Variants in NALF1 observed in about 807,000 individuals in gnomAD.
The protein encoded by NALF1 is NALCN channel auxiliary factor 1.
In NALF1, 3 loss-of-function variants were observed where a neutral mutation model predicts 48.4. The ratio of observed to expected loss-of-function variants is 0.06; its 90% CI spans 0.03 to 0.16. NALF1 has a LOEUF of 0.16. Ranked by LOEUF, NALF1 falls within the 10% of genes least tolerant of loss-of-function variation. The probability of loss-of-function intolerance (pLI) is 1.00; values close to 1 mark genes in which losing one functional copy is unlikely to be tolerated. For synonymous variants in NALF1, 262 were observed against 245.7 expected (o/e 1.07, Z -0.62); for missense variants, 526 against 571.5 (o/e 0.92, Z 0.81).
At chr13:107,833,877 G>GT (rs61540815) in intron 1 of NALF1, among the ~76,000 whole-genome samples, 10,734 of 151,692 alleles carry the variant, frequency 0.071, 439 homozygotes, top group East Asian at 0.15. Context: ...CCTTAAAGCT[G>GT]TTTTTTTAAT....
intron 1 of NALF1, among the ~76,000 whole-genome samples, chr13:107,778,955 T>C: frequency 6.6e-6 from 1 of 152,218 alleles, no homozygotes; most frequent in Non-Finnish European, 1.5e-5. Context: ...ATTAAAAAAG[T>C]ATTACTATTT....
chr13:107,735,621 G>T (rs1309689224), intron 1 of NALF1, among the ~76,000 whole-genome samples: 1 of 152,164 alleles, frequency 6.6e-6, no homozygotes, highest in Non-Finnish European at 1.5e-5. Flanking sequence ...ATTCAAAACA[G>T]ACCCCTTAAG....
chr13:107,591,276 T>C (rs183470227), intron 1 of NALF1, among the ~76,000 whole-genome samples: 25 of 152,138 alleles, frequency 1.6e-4, no homozygotes, highest in Non-Finnish European at 4.4e-5. Flanking sequence ...CTTTAGTAAA[T>C]GCAGTGACAT....
At chr13:107,213,920 C>T (rs1350265848) in intron 1 of NALF1, among the ~76,000 whole-genome samples, 1 of 151,824 alleles carries the variant, frequency 6.6e-6, no homozygotes, top group African/African-American at 2.4e-5. Context: ...GGCCAGGTGC[C>T]AATGACGATG....
chr13:107,208,438 G>C (rs1335667300), intron 2 of NALF1, among the ~76,000 whole-genome samples: 1 of 152,140 alleles, frequency 6.6e-6, no homozygotes, highest in Non-Finnish European at 1.5e-5. Flanking sequence ...TTCTACCCTG[G>C]CATTCTGAAT....
intron 2 of NALF1, among the ~76,000 whole-genome samples, chr13:107,183,005 T>C (rs1303037739): frequency 3.3e-5 from 5 of 152,156 alleles, no homozygotes; most frequent in Non-Finnish European, 7.4e-5. Context: ...AGAGCAAAAT[T>C]AAGGTATTGT....
At chr13:107,385,552 C>CAAAAAAAAAAAAAAAAAAAAAAAAAAAAA (rs201307018) in intron 1 of NALF1, among the ~76,000 whole-genome samples, 1 of 118,292 alleles carries the variant, frequency 8.5e-6, no homozygotes, top group African/African-American at 3.4e-5. Flanking sequence ...GATTCCATCT[C>CAAAAAAAAAAAAAAAAAAAAAAAAAAAAA]AAAAAAAAAA....
chr13:107,780,661 G>A (rs927741007), intron 1 of NALF1, among the ~76,000 whole-genome samples: 4 of 151,954 alleles, frequency 2.6e-5, no homozygotes, highest in Non-Finnish European at 5.9e-5. Flanking sequence ...AACAGTGGTG[G>A]TGGCTCACAC....
intron 1 of NALF1, among the ~76,000 whole-genome samples, chr13:107,714,769 G>A (rs12866066): frequency 0.064 from 9,699 of 151,890 alleles, 450 homozygotes; most frequent in South Asian, 0.14. Context: ...TGTTTTTCCT[G>A]CACAGAAATT....
At chr13:107,777,593 T>A (rs1446080616) in intron 1 of NALF1, among the ~76,000 whole-genome samples, 1 of 152,180 alleles carries the variant, frequency 6.6e-6, no homozygotes, top group Non-Finnish European at 1.5e-5. Context: ...TCATGTAAAG[T>A]GCCTGCTCCA....
rs1389673883 is a variant in NALF1 at position 107,636,952 on chromosome 13, A to AGTGGT, written c.915+228729_915+228730insACCAC. ...AAGACATTTTAGTCAATAATGAGCC[A>AGTGGT]CATTAAGAACAGTGGTCCCATAAGA... On this transcript the variant is annotated intron_variant, in intron 1 of 2. Transcript: ENST00000375915. Among the ~76,000 whole-genome samples the AGTGGT allele has an allele frequency of 4.8e-4, 72 of 151,064 alleles. 2 individuals are homozygous for AGTGGT. The East Asian group carries it at 0.013, about 26-fold the overall frequency.
chr13:107,843,288 G>A (rs1375299649), intron 1 of NALF1, among the ~76,000 whole-genome samples: 4 of 152,184 alleles, frequency 2.6e-5, no homozygotes, highest in Non-Finnish European at 5.9e-5. Context: ...CTGAGTATCA[G>A]AAAAGTTAAG....
At chr13:107,439,348 T>A (rs1046156783) in intron 1 of NALF1, among the ~76,000 whole-genome samples, 1 of 152,230 alleles carries the variant, frequency 6.6e-6, no homozygotes, top group African/African-American at 2.4e-5. Context: ...TTGCTACCTA[T>A]AGGACCAGCA....
At chr13:107,395,291 G>T (rs1447653552) in intron 1 of NALF1, among the ~76,000 whole-genome samples, 14 of 152,074 alleles carry the variant, frequency 9.2e-5, no homozygotes, top group Admixed American at 9.2e-4. Context: ...GGTGGTTGCT[G>T]AATTGATTAT....
chr13:107,486,338 A>C (rs575985918), intron 1 of NALF1, among the ~76,000 whole-genome samples: 36 of 152,276 alleles, frequency 2.4e-4, no homozygotes, highest in African/African-American at 8.4e-4. Flanking sequence ...GGTGAAGAAA[A>C]AAGACCTTCA....
chr13:107,800,653 A>T (rs1172251366), intron 1 of NALF1, among the ~76,000 whole-genome samples: 1 of 139,470 alleles, frequency 7.2e-6, no homozygotes, highest in African/African-American at 3.0e-5. Flanking sequence ...AAGATATATA[A>T]TATATAATAC....
intron 1 of NALF1, among the ~76,000 whole-genome samples, chr13:107,647,243 C>A (rs1381978535): frequency 6.6e-6 from 1 of 151,860 alleles, no homozygotes; most frequent in African/African-American, 2.4e-5. Flanking sequence ...TGAGGATGTT[C>A]CCTGGAAAAA....
At chr13:107,234,874 C>CTAACATTTCAGGCAGA in intron 1 of NALF1, among the ~76,000 whole-genome samples, 1 of 152,260 alleles carries the variant, frequency 6.6e-6, no homozygotes, top group East Asian at 1.9e-4. Flanking sequence ...GAATCCCTTC[C>CTAACATTTCAGGCAGA]TAACATTTCA....
intron 1 of NALF1, among the ~76,000 whole-genome samples, chr13:107,858,981 CAA>C (rs1390776684): frequency 1.3e-5 from 2 of 152,108 alleles, no homozygotes; most frequent in Non-Finnish European, 2.9e-5. Context: ...TTCAAATAAA[CAA>C]AGTCAGTGAC....
Sources: gnomAD v4.1 joint callset for allele counts (sites outside exome capture counted in the v4.1 genomes callset) on GRCh38, gnomAD v4.1.1 for gene constraint, MANE v1.5 for transcripts, NCBI Gene and HGNC (gene_info 2026-07-23, HGNC 2026-07-21) for gene names.